GPR89B: variants seen among roughly 807,000 people sequenced by gnomAD.
GPR89B encodes the protein G protein-coupled receptor 89B.
In GPR89B, 25 loss-of-function variants were observed where a neutral mutation model predicts 52.4. That is an observed-to-expected ratio of 0.48 (90% CI 0.35 to 0.67). The LOEUF is 0.67. Ranked by LOEUF, GPR89B falls within the 30% of genes least tolerant of loss-of-function variation. The pLI is 0.01. For missense variants in GPR89B, 146 were observed against 450.2 expected, an observed-to-expected ratio of 0.32 and a Z score of 6.11; for synonymous variants, 52 against 151.2, an observed-to-expected ratio of 0.34 and a Z score of 4.81.
intron 2 of GPR89B, among the ~76,000 whole-genome samples, chr1:147,937,568 G>A (rs1553248178): frequency 6.6e-6 from 1 of 152,096 alleles, no homozygotes; most frequent in East Asian, 1.9e-4. Context: ...GCCATTCATA[G>A]ACCTCCCTCC....
At chr1:148,005,396 T>G in the GPR89B span, 1 of 1,580,350 alleles carries the variant, frequency 6.3e-7, no homozygotes, top group East Asian at 2.2e-5. Flanking sequence ...TCCTCATGGC[T>G]GGCATCCTCT....
At chr1:147,978,513 T>G (rs1400205044) in intron 10 of GPR89B, among the ~76,000 whole-genome samples, 2,984 of 151,772 alleles carry the variant, frequency 0.02, 147 homozygotes, top group African/African-American at 0.069. Flanking sequence ...AGAGCAGCTG[T>G]GCTGCACTGA....
intron 3 of GPR89B, among the ~76,000 whole-genome samples, chr1:147,942,445 C>G (rs1238538542): frequency 2.0e-5 from 3 of 151,788 alleles, no homozygotes; most frequent in African/African-American, 7.3e-5. Context: ...TATGACCCAA[C>G]AATTCCACTC....
intron 7 of GPR89B, among the ~76,000 whole-genome samples, chr1:147,959,724 G>A (rs1160330967): frequency 6.6e-6 from 1 of 151,982 alleles, no homozygotes; most frequent in Non-Finnish European, 1.5e-5. Context: ...TATTTCCACG[G>A]TAAACACCAA....
At chr1:148,018,327 G>A in the GPR89B span, among the ~76,000 whole-genome samples, 1 of 145,322 alleles carries the variant, frequency 6.9e-6, no homozygotes, top group Non-Finnish European at 1.5e-5. Flanking sequence ...ATTGAGGCAG[G>A]AGAATGGCAT....
chr1:147,979,597 T>C (rs1658085615), intron 10 of GPR89B, among the ~76,000 whole-genome samples: 1 of 152,014 alleles, frequency 6.6e-6, no homozygotes, highest in African/African-American at 2.4e-5. Context: ...CATGAAAAGG[T>C]GTTGGATTTT....
At chr1:147,976,984 C>G (rs1258123436) in intron 10 of GPR89B, among the ~76,000 whole-genome samples, 5 of 151,680 alleles carry the variant, frequency 3.3e-5, no homozygotes, top group Non-Finnish European at 7.4e-5. Context: ...CCGGTAATCC[C>G]AGCACTTTGG....
chr1:148,012,633 A>C, the GPR89B span, among the ~76,000 whole-genome samples: 1 of 151,926 alleles, frequency 6.6e-6, no homozygotes, highest in Non-Finnish European at 1.5e-5. Context: ...CAGCACTGTC[A>C]TTAAGATGTT....
the GPR89B span, among the ~76,000 whole-genome samples, chr1:148,020,693 G>C: frequency 8.7e-4 from 132 of 152,094 alleles, 2 homozygotes; most frequent in African/African-American, 3.1e-3. Flanking sequence ...ATTTATTTTT[G>C]TTTGTTCGTT....
chr1:147,951,446 A>G (rs2797069), intron 5 of GPR89B, among the ~76,000 whole-genome samples: 6,420 of 151,634 alleles, frequency 0.042, 199 homozygotes, highest in African/African-American at 0.071. Flanking sequence ...GTGAAGAAAA[A>G]GTGACAATAA....
rs1479846042 is a variant in GPR89B at position 147,991,832 on chromosome 1, C to T, written c.1096-670C>T. ...ATGGCAGATAAGCTTTTTGATGTGC[C>T]GCTGGATTCAGTTTGCCAGTATTTT... On this transcript the variant is annotated intron_variant, in intron 12 of 13. Coordinates refer to ENST00000314163, the MANE Select transcript of GPR89B (RefSeq NM_016334.5). 9.8e-3 allele frequency among the ~76,000 whole-genome samples: 1,495 copies of T among 152,016 alleles called. 22 individuals carry two copies. Among genetic ancestry groups the T allele is most frequent in the African/African-American group, 0.033 (1,355 of 41,440 alleles).
chr1:147,995,704 C>G, downstream of GPR89B: 2 of 1,608,740 alleles, frequency 1.2e-6, no homozygotes, highest in Non-Finnish European at 1.7e-6. Context: ...TAGGGATTTT[C>G]TTAGCTTGGA....
intron 9 of GPR89B, 141 bp from the exon 10 acceptor site, chr1:147,969,726 C>T (rs1657281478): frequency 4.1e-6 from 5 of 1,222,324 alleles, no homozygotes; most frequent in Middle Eastern, 2.8e-4. Flanking sequence ...CTGGCCACAA[C>T]TACTGTTATT....
chr1:147,986,680 T>G (rs1464500129), intron 11 of GPR89B, among the ~76,000 whole-genome samples: 97 of 152,260 alleles, frequency 6.4e-4, no homozygotes, highest in Admixed American at 1.2e-3. Context: ...ACAACTCAGC[T>G]TTGATGCTCC....
intron 12 of GPR89B, among the ~76,000 whole-genome samples, chr1:147,990,226 A>T (rs1374381672): frequency 2.0e-5 from 3 of 152,040 alleles, no homozygotes; most frequent in African/African-American, 7.2e-5. Flanking sequence ...GATGATCAGC[A>T]TTTTTCCATG....
intron 10 of GPR89B, among the ~76,000 whole-genome samples, chr1:147,971,892 T>C (rs1232888630): frequency 1.3e-5 from 2 of 151,410 alleles, no homozygotes; most frequent in Non-Finnish European, 3.0e-5. Flanking sequence ...GCAACAACCA[T>C]CACCACGGTC....
chr1:147,928,484 C>G lies in GPR89B; in HGVS notation c.-53C>G. ...TGAGGGGGCCTGTGGCCCCAGCGTG[C>G]TGTGGCCTCCGGGAGTGGGAAGTGG... On this transcript the variant is annotated 5_prime_UTR_variant, in exon 1 of 14. Coordinates refer to ENST00000314163, the MANE Select transcript of GPR89B (RefSeq NM_016334.5). 6.2e-7 allele frequency: 1 copy of G among 1,609,828 alleles called. No individual in the cohort carries two copies. Among genetic ancestry groups the G allele is most frequent in the South Asian group, 1.1e-5 (1 of 90,980 alleles).
chr1:148,022,348 A>G, the GPR89B span, among the ~76,000 whole-genome samples: 2 of 151,068 alleles, frequency 1.3e-5, no homozygotes, highest in Non-Finnish European at 2.9e-5. Flanking sequence ...TGTTTTCTAG[A>G]GAGAATTGAT....
chr1:148,003,989 C>T, the GPR89B span: 1 of 537,450 alleles, frequency 1.9e-6, no homozygotes, highest in South Asian at 2.2e-5. Flanking sequence ...TCACCTGTAA[C>T]AACACACACA....
Sources: allele counts gnomAD v4.1 joint callset (sites outside exome capture counted in the v4.1 genomes callset), GRCh38; gene constraint gnomAD v4.1.1; transcripts MANE v1.5; gene names NCBI Gene and HGNC (gene_info 2026-07-23, HGNC 2026-07-21).